CCNT2: variants seen among roughly 807,000 people sequenced by gnomAD.
CCNT2 encodes the protein cyclin T2, also known as cyclin-T2.
Under a neutral mutation model 70.0 loss-of-function variants are expected in CCNT2, and 18 were observed. The ratio of observed to expected loss-of-function variants is 0.26; its 90% CI spans 0.18 to 0.38. The LOEUF is 0.38. Among genes scored for constraint, CCNT2 ranks in the 10% least tolerant of loss-of-function variants. The probability of loss-of-function intolerance (pLI) is 1.00; values close to 1 mark genes in which losing one functional copy is unlikely to be tolerated. For synonymous variants in CCNT2, 334 were observed against 313.3 expected (o/e 1.07, Z -0.70); for missense variants, 734 against 890.2 (o/e 0.82, Z 2.23).
chr2:134,931,057 A>G (rs1024154891), intron 2 of CCNT2, among the ~76,000 whole-genome samples: 3 of 151,244 alleles, frequency 2.0e-5, no homozygotes. Context: ...CCACCTCCCA[A>G]GTTCACGCCA....
intron 7 of CCNT2, among the ~76,000 whole-genome samples, chr2:134,952,377 G>GC (rs1482685843): frequency 2.0e-5 from 3 of 151,200 alleles, no homozygotes; most frequent in Admixed American, 6.6e-5. Context: ...TTATTGGGGG[G>GC]GTGATTATTT....
At chr2:134,946,182 G>T in intron 6 of CCNT2, 36 bp downstream of exon 6, 1 of 1,604,500 alleles carries the variant, frequency 6.2e-7, no homozygotes. Flanking sequence ...CACTGTTGTA[G>T]CACACTATAG....
At chr2:134,951,932 A>G (rs967422558) in intron 7 of CCNT2, among the ~76,000 whole-genome samples, 10 of 152,124 alleles carry the variant, frequency 6.6e-5, no homozygotes, top group Middle Eastern at 3.2e-3. Flanking sequence ...CAGTTCTCCA[A>G]TCTTTCCTTG....
intron 2 of CCNT2, among the ~76,000 whole-genome samples, chr2:134,935,258 T>C (rs1681062122): frequency 6.6e-6 from 1 of 152,260 alleles, no homozygotes; most frequent in Non-Finnish European, 1.5e-5. Context: ...TCACTCATTT[T>C]AAGTTAACAT....
chr2:134,944,587 A>G, intron 5 of CCNT2: 1 of 978,262 alleles, frequency 1.0e-6, no homozygotes, highest in Non-Finnish European at 1.2e-6. Context: ...TGTCATCCAA[A>G]ACAAATATTT....
At position 134,954,516 on chromosome 2, in the gene CCNT2, G is replaced by A; in HGVS notation, c.2061G>A (p.Leu687=). 1 of 1,614,120 alleles carries A rather than the reference G, an allele frequency of 6.2e-7. No homozygotes were observed. The highest frequency in any genetic ancestry group is 8.5e-7 in the Non-Finnish European group (1 of 1,180,010). The change falls in exon 9 of 9, where the codon CTG becomes CTA. Residue 687 remains leucine (L), a synonymous_variant. Coordinates refer to ENST00000264157, the MANE Select transcript of CCNT2 (RefSeq NM_058241.3). ...GACATCTCAGCACCCTCGTGAAACT[G>A]GACAAGAAGCCAGTGGAGACCAACG... ...GYGHLSTLVK[L]DKKPVETNGP...
chr2:134,953,289 T>C lies in CCNT2; in HGVS notation c.834T>C (p.Leu278=). The part of the protein sequence containing the change: ...VDGQVSETPL[L]GSSLVQNSIL... ...GACAGGTATCAGAGACACCACTTCT[T>C]GGTTCATCTTTGGTCCAGAATTCCA... is the stretch of plus-strand genomic sequence containing the variant. The change falls in exon 9 of 9, where the codon CTT becomes CTC. Residue 278 remains leucine, a synonymous_variant. Transcript: ENST00000264157. 6.2e-7 allele frequency: 1 copy of C among 1,614,012 alleles called. No homozygotes were observed. The highest frequency in any genetic ancestry group is 8.5e-7 in the Non-Finnish European group (1 of 1,179,890).
intron 8 of CCNT2, 62 bp from the exon 9 acceptor site, chr2:134,953,168 C>T (rs993754193): frequency 1.7e-6 from 2 of 1,185,818 alleles, no homozygotes; most frequent in Non-Finnish European, 2.4e-6. Context: ...TTTTATAAGA[C>T]AAGAAATTTG....
intron 2 of CCNT2, among the ~76,000 whole-genome samples, chr2:134,923,384 A>G (rs1680057303): frequency 6.6e-6 from 1 of 152,252 alleles, no homozygotes; most frequent in South Asian, 2.1e-4. Flanking sequence ...AAGTCAAATC[A>G]GCATATGTTT....
intron 5 of CCNT2, chr2:134,945,808 T>C (rs1447171991): frequency 2.8e-6 from 4 of 1,408,880 alleles, no homozygotes; most frequent in Non-Finnish European, 3.7e-6. Flanking sequence ...ATTGCAACTT[T>C]TAGCTGACTA....
Position 134,919,808 on chromosome 2 carries a change from A to T in CCNT2, c.159-2A>T. The T allele has an allele frequency of 6.2e-7, 1 of 1,603,720 alleles. No individual in the cohort carries two copies. The highest frequency in any genetic ancestry group is 1.3e-5 in the African/African-American group (1 of 74,576). ...AGATATTTCCTAAATATTACGTTCC[A>T]GCTCTCAGCTTACAATAAACACTGC... On this transcript the variant is annotated splice_acceptor_variant, in intron 1 of 8. Transcript: ENST00000264157. LOFTEE classifies it high-confidence loss of function.
chr2:134,943,262 G>A (rs1681699960), intron 5 of CCNT2: 5 of 365,666 alleles, frequency 1.4e-5, no homozygotes, highest in Non-Finnish European at 1.9e-5. Context: ...TTAGCTGGTT[G>A]TGGTGGTACA....
rs1358935214 is a variant in CCNT2 at position 134,954,092 on chromosome 2, A to G, written c.1637A>G (p.Lys546Arg). The stretch of plus-strand genomic sequence containing the variant: ...TCTGATGAAGGCAGTGGGAAGAGCA[A>G]ACATTCAAGCCCACATATTAGCAGA... ...SSSDEGSGKS[K>R]HSSPHISRDH... The change falls in exon 9 of 9, where the codon AAA becomes AGA. Residue 546 changes from lysine (K) to arginine (R), a missense_variant. Transcript: ENST00000264157. The G allele has an allele frequency of 1.2e-6, 2 of 1,614,080 alleles. No homozygotes were observed. Among genetic ancestry groups the G allele is most frequent in the East Asian group, 2.2e-5 (1 of 44,892 alleles).
In CCNT2 at chr2:134,957,551, C is replaced by T. The variant is rs1448693822; in HGVS notation, c.*2903C>T. 6.6e-6 allele frequency: 1 copy of T among 151,698 alleles called. No individual in the cohort carries two copies. Among genetic ancestry groups the T allele is most frequent in the African/African-American group, 2.4e-5 (1 of 41,262 alleles). The allele number at this position is 151,698 out of a possible 1,614,324, so 9.4% of individuals were successfully genotyped here. ...TGAGCTGTGTCCCTCTGAATATTTGCCTTAGCTATTTCAAAATAGGTATTT... is the reference window on the plus strand; with the variant it reads ...TGAGCTGTGTCCCTCTGAATATTTGTCTTAGCTATTTCAAAATAGGTATTT... On this transcript the variant is annotated 3_prime_UTR_variant, in exon 9 of 9. Coordinates refer to ENST00000264157, the MANE Select transcript of CCNT2 (RefSeq NM_058241.3).
chr2:134,941,742 C>T (rs549054533), intron 4 of CCNT2, among the ~76,000 whole-genome samples: 4 of 152,090 alleles, frequency 2.6e-5, no homozygotes, highest in African/African-American at 9.6e-5. Context: ...TATATAAAAT[C>T]GTAATGTAAT....
rs753162258 is a variant in CCNT2, at chr2:134,953,721, A to G, written c.1266A>G (p.Pro422=). The G allele has an allele frequency of 4.3e-6, 7 of 1,614,044 alleles. No homozygotes were observed. The Admixed American group carries it at 1.2e-4, about 27-fold the overall frequency. The change falls in exon 9 of 9, where the codon CCA becomes CCG. Residue 422 remains proline, a synonymous_variant. Transcript: ENST00000264157. ...HKAGSSKHHG[P]ISTTPGIIPQ... is the part of the protein sequence containing the mutation. ...CAGGGAGCAGTAAACACCATGGGCC[A>G]ATTTCCACTACTCCAGGAATAATTC...
chr2:134,926,123 C>G (rs932418599), intron 2 of CCNT2, among the ~76,000 whole-genome samples: 2 of 152,140 alleles, frequency 1.3e-5, no homozygotes, highest in Non-Finnish European at 2.9e-5. Context: ...GCCTCAGCCT[C>G]CCAACACTCA....
chr2:134,934,607 T>G (rs1222565833), intron 2 of CCNT2, among the ~76,000 whole-genome samples: 1 of 152,062 alleles, frequency 6.6e-6, no homozygotes, highest in Non-Finnish European at 1.5e-5. Context: ...TCTAAAAAGG[T>G]GTTTTGTTTT....
intron 7 of CCNT2, among the ~76,000 whole-genome samples, chr2:134,952,188 A>G (rs948355956): frequency 6.6e-6 from 1 of 152,178 alleles, no homozygotes; most frequent in African/African-American, 2.4e-5. Flanking sequence ...TGGTTTCTGC[A>G]CTTTAAAGTC....
Sources: gnomAD v4.1 joint callset for allele counts (sites outside exome capture counted in the v4.1 genomes callset) on GRCh38, gnomAD v4.1.1 for gene constraint, MANE v1.5 for transcripts, NCBI Gene and HGNC (gene_info 2026-07-23, HGNC 2026-07-21) for gene names.